EFCAB6: variants seen among roughly 807,000 people sequenced by gnomAD.
The protein encoded by EFCAB6 is EF-hand calcium-binding domain-containing protein 6.
A neutral mutation model predicts 169.8 loss-of-function variants in EFCAB6; 156 were observed. The observed-to-expected ratio is 0.92, with a 90% CI of 0.81 to 1.05. The LOEUF is 1.05. Ranked by LOEUF, EFCAB6 falls within the 50% of genes least tolerant of loss-of-function variation. The probability of loss-of-function intolerance (pLI) is 0.00; values close to 1 mark genes in which losing one functional copy is unlikely to be tolerated. For synonymous variants in EFCAB6, 698 were observed against 676.4 expected (o/e 1.03, Z -0.50); for missense variants, 1,800 against 1,829.1 (o/e 0.98, Z 0.29).
chr22:43,618,153 GGAAGGAAGGAAGGAAAGAAAGAAA>G, intron 20 of EFCAB6, among the ~76,000 whole-genome samples: 1 of 80,922 alleles, frequency 1.2e-5, no homozygotes, highest in Non-Finnish European at 2.5e-5. Flanking sequence ...GAGGAAGGAA[GGAAGGAAGGAAGGAAAGAAAGAAA>G]GAAAGAAAGA....
chr22:43,765,179 G>C, intron 5 of EFCAB6, 126 bp downstream of exon 5: 2 of 626,964 alleles, frequency 3.2e-6, no homozygotes, highest in Admixed American at 5.4e-5. Flanking sequence ...ATTCCATATG[G>C]ACAAGTTCTA....
intron 13 of EFCAB6, among the ~76,000 whole-genome samples, chr22:43,677,457 C>T (rs1016122606): frequency 1.3e-5 from 2 of 152,062 alleles, no homozygotes; most frequent in African/African-American, 4.8e-5. Context: ...ACCAGCCTGG[C>T]CAACATGGTG....
At chr22:43,683,887 A>G in intron 11 of EFCAB6, 32 bp from the exon 12 acceptor site, 1 of 1,513,680 alleles carries the variant, frequency 6.6e-7, no homozygotes, top group Admixed American at 1.7e-5. Context: ...AGCAGGAATA[A>G]GATTATGTTC....
intron 6 of EFCAB6, among the ~76,000 whole-genome samples, chr22:43,742,475 G>A (rs1211406761): frequency 2.0e-5 from 3 of 152,234 alleles, no homozygotes; most frequent in Non-Finnish European, 4.4e-5. Flanking sequence ...CTGAGTGGGT[G>A]AGGAAGTTTC....
chr22:43,776,977 G>A (rs1252482820), intron 3 of EFCAB6, among the ~76,000 whole-genome samples: 1 of 152,170 alleles, frequency 6.6e-6, no homozygotes, highest in Non-Finnish European at 1.5e-5. Context: ...GCTGCTTCAA[G>A]GTCTAGGAGG....
At position 43,540,201 on chromosome 22, in the gene EFCAB6, C is replaced by T; in HGVS notation, c.3805G>A (p.Glu1269Lys). 1 of 1,614,222 alleles carries T rather than the reference C, an allele frequency of 6.2e-7. No homozygotes were observed. The highest frequency in any genetic ancestry group is 8.5e-7 in the Non-Finnish European group (1 of 1,180,040). The stretch of plus-strand genomic sequence containing the variant: ...AATGAGAGGGCAGATCTGGTGCCTT[C>T]CGAGACGTCAGGGACACTGCTCCCT... ...QRGSSVPDVS[E>K]GTRSALSLPT... The change falls in exon 28 of 32, where the codon GAA becomes AAA. Residue 1269 changes from glutamate to lysine, a missense_variant. Coordinates refer to ENST00000262726, the MANE Select transcript of EFCAB6 (RefSeq NM_022785.4).
chr22:43,764,158 C>T (rs1399126157), intron 5 of EFCAB6, among the ~76,000 whole-genome samples: 1 of 152,100 alleles, frequency 6.6e-6, no homozygotes, highest in Non-Finnish European at 1.5e-5. Context: ...ATCCTGTCAC[C>T]CAGGTAGTGG....
At chr22:43,645,547 G>A (rs2056101099) in intron 17 of EFCAB6, among the ~76,000 whole-genome samples, 2 of 152,140 alleles carry the variant, frequency 1.3e-5, no homozygotes, top group Non-Finnish European at 2.9e-5. Flanking sequence ...TAAAATAAAA[G>A]TACATTTTAT....
chr22:43,669,769 A>G (rs1353003626), intron 15 of EFCAB6, among the ~76,000 whole-genome samples: 1 of 152,244 alleles, frequency 6.6e-6, no homozygotes, highest in Non-Finnish European at 1.5e-5. Flanking sequence ...TAAAAAAAGA[A>G]TTATAAAAAA....
chr22:43,657,018 G>A (rs2148115893), intron 17 of EFCAB6, among the ~76,000 whole-genome samples: 1 of 152,298 alleles, frequency 6.6e-6, no homozygotes, highest in South Asian at 2.1e-4. Flanking sequence ...GGCCAGGCAT[G>A]GTGGCTCACA....
intron 5 of EFCAB6, among the ~76,000 whole-genome samples, chr22:43,758,863 T>C (rs1240692917): frequency 6.6e-6 from 1 of 152,244 alleles, no homozygotes; most frequent in Non-Finnish European, 1.5e-5. Context: ...CAAAATAAGC[T>C]GTCCAAATCA....
intron 7 of EFCAB6, among the ~76,000 whole-genome samples, chr22:43,733,233 C>A (rs536614424): frequency 3.7e-4 from 56 of 152,256 alleles, no homozygotes; most frequent in African/African-American, 1.3e-3. Context: ...CCAGAAGACC[C>A]AATTGAGGGG....
chr22:43,707,866 T>C (rs1279036179), intron 10 of EFCAB6, among the ~76,000 whole-genome samples: 1 of 151,938 alleles, frequency 6.6e-6, no homozygotes, highest in Non-Finnish European at 1.5e-5. Context: ...AAAACAACAG[T>C]GATGAATGCA....
At chr22:43,624,739 T>C (rs1046448204) in intron 20 of EFCAB6, among the ~76,000 whole-genome samples, 1 of 152,208 alleles carries the variant, frequency 6.6e-6, no homozygotes, top group African/African-American at 2.4e-5. Flanking sequence ...AAAAGGAGCA[T>C]CTGGGTCTTA....
chr22:43,681,891 G>A lies in EFCAB6; in HGVS notation c.1251+1856C>T, dbSNP rs2058018915. On this transcript the variant is annotated intron_variant, in intron 12 of 31. Coordinates refer to ENST00000262726, the MANE Select transcript of EFCAB6 (RefSeq NM_022785.4). ...TAAGCCACACCTGATTTAAATGTAAGTGATCACAGCAGTTGGGTCCACTTG... is the reference window on the plus strand; with the variant it reads ...TAAGCCACACCTGATTTAAATGTAAATGATCACAGCAGTTGGGTCCACTTG... Among the ~76,000 whole-genome samples, 4 of 152,318 alleles carry A rather than the reference G, an allele frequency of 2.6e-5. No individual in the cohort carries two copies. The South Asian group carries it at 8.3e-4, about 32-fold the overall frequency.
chr22:43,599,785 G>T (rs371292130), intron 23 of EFCAB6, among the ~76,000 whole-genome samples: 1 of 152,066 alleles, frequency 6.6e-6, no homozygotes, highest in Non-Finnish European at 1.5e-5. Flanking sequence ...GTGGCCAGGC[G>T]GTATGCCATC....
At chr22:43,731,459 C>T (rs1489028028) in intron 8 of EFCAB6, among the ~76,000 whole-genome samples, 2 of 152,184 alleles carry the variant, frequency 1.3e-5, no homozygotes, top group African/African-American at 2.4e-5. Context: ...ATTATTAACT[C>T]TTCATGGATA....
intron 10 of EFCAB6, among the ~76,000 whole-genome samples, chr22:43,708,017 A>C (rs538149964): frequency 4.0e-5 from 6 of 151,744 alleles, no homozygotes; most frequent in African/African-American, 1.4e-4. Context: ...AAGGAAAACC[A>C]CTATAAGAAT....
Position 43,683,030 on chromosome 22 carries a change from C to T in EFCAB6, c.1251+717G>A, listed in dbSNP as rs1440341101. Among the ~76,000 whole-genome samples the T allele has an allele frequency of 3.3e-5, 5 of 152,256 alleles. 1 individual carries two copies. Among genetic ancestry groups the T allele is most frequent in the South Asian group, 4.1e-4 (2 of 4,822 alleles). ...CCTCCACTCCCAGACACTCCCTCCA[C>T]GGCAGGTTCTAGGAGGCTGATGCTG... On this transcript the variant is annotated intron_variant, in intron 12 of 31. Transcript: ENST00000262726.
Sources: gnomAD v4.1 joint callset for allele counts (sites outside exome capture counted in the v4.1 genomes callset) on GRCh38, gnomAD v4.1.1 for gene constraint, MANE v1.5 for transcripts, NCBI Gene and HGNC (gene_info 2026-07-23, HGNC 2026-07-21) for gene names.